The following CADPS variants were observed in gnomAD, a reference collection of about 807,000 sequenced individuals.
The protein encoded by CADPS is calcium dependent secretion activator, also known as calcium-dependent secretion activator 1.
In CADPS, 57 loss-of-function variants were observed where a neutral mutation model predicts 167.3. The ratio of observed to expected loss-of-function variants is 0.34; its 90% confidence interval spans 0.28 to 0.42. The LOEUF (loss-of-function observed/expected upper bound fraction) is 0.42. Among genes scored for constraint, CADPS ranks in the 20% least tolerant of loss-of-function variants. The pLI, the probability that CADPS is intolerant of heterozygous loss-of-function variation, is 1.00. For missense variants in CADPS, 1,414 were observed against 1,738.1 expected (o/e 0.81, Z 3.32); for synonymous variants, 676 against 635.3 (o/e 1.06, Z -0.96).
chr3:62,479,141 C>T (rs1262282316), intron 22 of CADPS, among the ~76,000 whole-genome samples: 2 of 152,304 alleles, frequency 1.3e-5, no homozygotes, highest in East Asian at 1.9e-4. Flanking sequence ...GGGCTCAAAA[C>T]CTGAGCTCTT....
chr3:62,479,267 G>T (rs1576586007), intron 22 of CADPS, among the ~76,000 whole-genome samples: 1 of 152,190 alleles, frequency 6.6e-6, no homozygotes, highest in South Asian at 2.1e-4. Flanking sequence ...AAAAGCCTGT[G>T]TATGAAAAAT....
chr3:62,860,446 A>T (rs1043263745), intron 1 of CADPS, among the ~76,000 whole-genome samples: 1 of 152,120 alleles, frequency 6.6e-6, no homozygotes, highest in Admixed American at 6.6e-5. Context: ...TCTGGCATAC[A>T]CTAAAATCTC....
intron 1 of CADPS, among the ~76,000 whole-genome samples, chr3:62,873,242 A>G (rs1194161969): frequency 6.6e-6 from 1 of 152,218 alleles, no homozygotes; most frequent in Non-Finnish European, 1.5e-5. Flanking sequence ...TAAGCAAAAC[A>G]AACAGAGAAA....
intron 3 of CADPS, among the ~76,000 whole-genome samples, chr3:62,742,504 C>T (rs930193220): frequency 2.6e-5 from 4 of 152,046 alleles, no homozygotes; most frequent in Non-Finnish European, 2.9e-5. Flanking sequence ...TTCCACAAAC[C>T]CGACAAAAAG....
At chr3:62,649,543 CTTTTTTTTT>C (rs369874258) in intron 5 of CADPS, among the ~76,000 whole-genome samples, 5,142 of 37,672 alleles carry the variant, frequency 0.14, 208 homozygotes, top group African/African-American at 0.15. Context: ...AATATGTGGT[CTTTTTTTTT>C]TTTTTTTTTT....
intron 6 of CADPS, among the ~76,000 whole-genome samples, chr3:62,628,271 A>C (rs1184087309): frequency 1.3e-5 from 2 of 152,168 alleles, no homozygotes; most frequent in Non-Finnish European, 2.9e-5. Flanking sequence ...GATATGGGAG[A>C]ATGCAGATGA....
At chr3:62,612,467 C>T (rs2061635519) in intron 6 of CADPS, among the ~76,000 whole-genome samples, 1 of 152,226 alleles carries the variant, frequency 6.6e-6, no homozygotes, top group Non-Finnish European at 1.5e-5. Flanking sequence ...AGAGTGTTGC[C>T]ACTTGCCCCT....
rs1454556060 is a variant in CADPS, at chr3:62,478,264, T to C, written c.3326A>G (p.Lys1109Arg). Residue 1109 changes from lysine (K) to arginine (R), a missense_variant, in exon 23 of 30, where the codon AAA (lysine) becomes AGA (arginine). Physicochemically the swap from Lys to Arg is conservative, Grantham distance 26. Transcript: ENST00000383710. This position sits in a 1 kb window ranked among gnomAD's most constrained non-coding sequence, Gnocchi z 5.7. ...MASDMIESCV[K>R]RTRIAFEVKL... ...CTGTCCAGCCACCTATACTTACCTTTTGACACAAGATTCGATCATGTCACT... is the reference window on the plus strand; with the variant it reads ...CTGTCCAGCCACCTATACTTACCTTCTGACACAAGATTCGATCATGTCACT... 4 of 1,613,690 alleles carry C rather than the reference T, an allele frequency of 2.5e-6. No individual in the cohort carries two copies. Among genetic ancestry groups the C allele is most frequent in the Non-Finnish European group, 3.4e-6 (4 of 1,179,792 alleles).
At chr3:62,445,940 A>C (rs966866250) in intron 26 of CADPS, 143 bp from the exon 27 acceptor site, 19 of 509,656 alleles carry the variant, frequency 3.7e-5, no homozygotes, top group Non-Finnish European at 5.3e-5. Flanking sequence ...CTAGAAAATA[A>C]AATCTGTTTG....
chr3:62,474,841 A>T (rs927590713), intron 23 of CADPS, among the ~76,000 whole-genome samples: 1 of 152,200 alleles, frequency 6.6e-6, no homozygotes, highest in Non-Finnish European at 1.5e-5. Context: ...AAATCCAGCA[A>T]GTGTATTACA....
At chr3:62,804,029 G>A (rs772057125) in intron 1 of CADPS, among the ~76,000 whole-genome samples, 12 of 152,166 alleles carry the variant, frequency 7.9e-5, no homozygotes, top group Admixed American at 5.9e-4. Flanking sequence ...TGACCACACT[G>A]CCTCAGTAGG....
intron 10 of CADPS, chr3:62,550,913 T>G (rs1562021570): frequency 4.4e-6 from 2 of 456,668 alleles, no homozygotes; most frequent in Admixed American, 2.3e-5. Flanking sequence ...GAGGAAACCC[T>G]GACTTTCCTC....
chr3:62,707,616 G>A (rs2082570101), intron 3 of CADPS, among the ~76,000 whole-genome samples: 1 of 152,152 alleles, frequency 6.6e-6, no homozygotes, highest in African/African-American at 2.4e-5. Context: ...ATGGTTCACT[G>A]TAGCTACTGA....
intron 28 of CADPS, among the ~76,000 whole-genome samples, chr3:62,422,625 T>A (rs894669643): frequency 6.6e-6 from 1 of 152,220 alleles, no homozygotes; most frequent in Non-Finnish European, 1.5e-5. Context: ...TGATCTCAAA[T>A]TTTCACATTG....
At chr3:62,693,081 C>A (rs1239482843) in intron 3 of CADPS, among the ~76,000 whole-genome samples, 1 of 152,010 alleles carries the variant, frequency 6.6e-6, no homozygotes, top group Non-Finnish European at 1.5e-5. Context: ...TACAATTTCT[C>A]GTCCCTCTCT....
intron 28 of CADPS, among the ~76,000 whole-genome samples, chr3:62,437,007 C>A (rs1481002497): frequency 6.6e-6 from 1 of 151,806 alleles, no homozygotes; most frequent in Non-Finnish European, 1.5e-5. Context: ...AACACACACA[C>A]ATACACACAC....
intron 3 of CADPS, among the ~76,000 whole-genome samples, chr3:62,697,921 A>G (rs2080637845): frequency 6.6e-6 from 1 of 151,904 alleles, no homozygotes; most frequent in African/African-American, 2.4e-5. Context: ...ATGTCTATTC[A>G]TATCCTTAGC....
intron 2 of CADPS, 57 bp downstream of exon 2, chr3:62,765,814 A>T: frequency 3.5e-6 from 4 of 1,144,052 alleles, no homozygotes; most frequent in Non-Finnish European, 5.2e-6. Flanking sequence ...TGCAGCTCAG[A>T]CTCCCCAGGC....
chr3:62,589,184 A>T (rs2085361371), intron 7 of CADPS, among the ~76,000 whole-genome samples: 1 of 152,224 alleles, frequency 6.6e-6, no homozygotes, highest in African/African-American at 2.4e-5. Flanking sequence ...AGGTCTGCTA[A>T]GTGTGGGAAG....
Sources: allele counts gnomAD v4.1 joint callset (sites outside exome capture counted in the v4.1 genomes callset), GRCh38; gene constraint gnomAD v4.1.1; non-coding constraint Gnocchi (gnomAD v3.1); transcripts MANE v1.5; gene names NCBI Gene and HGNC (gene_info 2026-07-23, HGNC 2026-07-21).